Variants in CLEC5A observed in about 807,000 individuals in gnomAD.
The protein encoded by CLEC5A is C-type lectin domain family 5 member A.
CLEC5A carries 15 observed loss-of-function variants against 24.4 expected under a neutral mutation model. The observed-to-expected ratio is 0.62, with a 90% CI of 0.41 to 0.95. The LOEUF is 0.95. Among genes scored for constraint, CLEC5A ranks in the 40% least tolerant of loss-of-function variants. The pLI, the probability that CLEC5A is intolerant of heterozygous loss-of-function variation, is 0.00. For synonymous variants in CLEC5A, 71 were observed against 72.6 expected, an observed-to-expected ratio of 0.98 and a Z score of 0.11; for missense variants, 211 against 224.0, an observed-to-expected ratio of 0.94 and a Z score of 0.37.
chr7:141,940,622 C>A (rs1208611173), intron 4 of CLEC5A, among the ~76,000 whole-genome samples: 1 of 150,584 alleles, frequency 6.6e-6, no homozygotes, highest in Admixed American at 6.6e-5. Flanking sequence ...CAATACAAAA[C>A]ATCAATGCAA....
chr7:141,944,547 A>G (rs1261815897), intron 3 of CLEC5A, among the ~76,000 whole-genome samples: 3 of 152,188 alleles, frequency 2.0e-5, no homozygotes, highest in African/African-American at 7.2e-5. Context: ...GAGATTTTCT[A>G]TAAGCAGGGA....
Position 141,931,693 on chromosome 7 carries a change from C to T in CLEC5A, c.452+27G>A, listed in dbSNP as rs974191404. 3 of 1,265,408 alleles carry T rather than the reference C, an allele frequency of 2.4e-6. No individual in the cohort carries two copies. In the African/African-American group the frequency reaches 4.4e-5, roughly 19 times the overall value. The allele number at this position is 1,265,408 out of a possible 1,614,324, so 78.4% of individuals were successfully genotyped here. On this transcript the variant is annotated intron_variant, in intron 6 of 6. Transcript: ENST00000546910. ...GGTCTTTTGAAGCAAACCAAGATCC[C>T]CAGGAAACTGTGGCATGTTCACGTA...
At chr7:141,945,273 A>T in intron 3 of CLEC5A, 68 bp downstream of exon 3, 1 of 1,080,116 alleles carries the variant, frequency 9.3e-7, no homozygotes, top group Non-Finnish European at 1.4e-6. Context: ...GCTGTGTGGA[A>T]GGTCTCTAGG....
intron 4 of CLEC5A, among the ~76,000 whole-genome samples, chr7:141,941,378 C>T (rs1459657339): frequency 2.0e-5 from 3 of 152,172 alleles, no homozygotes; most frequent in South Asian, 2.1e-4. Context: ...AAGTCAACAT[C>T]CCTTCATGAT....
At chr7:141,944,908 T>A (rs1472480531) in intron 3 of CLEC5A, among the ~76,000 whole-genome samples, 1 of 152,166 alleles carries the variant, frequency 6.6e-6, no homozygotes, top group Non-Finnish European at 1.5e-5. Context: ...GGGTTGCCTC[T>A]GTTGATACTA....
intron 4 of CLEC5A, among the ~76,000 whole-genome samples, chr7:141,937,331 G>T (rs868937454): frequency 6.6e-6 from 1 of 151,956 alleles, no homozygotes; most frequent in Non-Finnish European, 1.5e-5. Context: ...GGCAGCATTC[G>T]TGACAAGCTG....
At chr7:141,942,830 T>C (rs1321896316) in intron 4 of CLEC5A, among the ~76,000 whole-genome samples, 1 of 152,080 alleles carries the variant, frequency 6.6e-6, no homozygotes, top group Non-Finnish European at 1.5e-5. Context: ...AAAAAGGTGC[T>C]CAACACCATT....
chr7:141,934,978 C>T (rs903327085), intron 5 of CLEC5A, among the ~76,000 whole-genome samples: 1 of 152,104 alleles, frequency 6.6e-6, no homozygotes, highest in Admixed American at 6.5e-5. Context: ...TCTTTTCATT[C>T]CCCTGTCTTG....
intron 3 of CLEC5A, among the ~76,000 whole-genome samples, chr7:141,944,592 C>A (rs782655753): frequency 6.6e-6 from 1 of 152,090 alleles, no homozygotes; most frequent in Non-Finnish European, 1.5e-5. Flanking sequence ...CATATAGGGG[C>A]CTCATTTCCC....
chr7:141,934,530 G>A (rs1223073121), intron 5 of CLEC5A, among the ~76,000 whole-genome samples: 1 of 151,508 alleles, frequency 6.6e-6, no homozygotes, highest in East Asian at 1.9e-4. Flanking sequence ...ATACTTGTTG[G>A]GAGGAGAAGG....
intron 5 of CLEC5A, among the ~76,000 whole-genome samples, chr7:141,934,647 A>G (rs1444563180): frequency 4.4e-5 from 4 of 91,774 alleles, no homozygotes; most frequent in Admixed American, 3.5e-4. Flanking sequence ...TTTTTTTGAG[A>G]CAGAGCCTTG....
In CLEC5A at chr7:141,933,575, CATATATATATAT is replaced by C. The variant is rs3043785; in HGVS notation, c.346-1761_346-1750del. Among the ~76,000 whole-genome samples, 468 of 115,202 alleles carry C rather than the reference CATATATATATAT, an allele frequency of 4.1e-3. 3 individuals carry two copies. Among genetic ancestry groups the C allele is most frequent in the South Asian group, 0.031 (108 of 3,518 alleles). 75.6% of individuals were successfully genotyped at this position (115,202 alleles called of 152,430 possible). A position where few individuals can be genotyped will look rare whatever the true frequency, so the allele number is the denominator to read the frequency against. On this transcript the variant is annotated intron_variant, in intron 5 of 6. Transcript: ENST00000546910. ...TGACTCAGCGAGTTTAGGGAGCAGG[CATATATATATAT>C]ATATATATATATATATATATATATA...
chr7:141,943,976 A>G lies in CLEC5A; in HGVS notation c.140-12T>C. 1.0e-5 allele frequency: 16 copies of G among 1,555,084 alleles called. No individual in the cohort carries two copies. Among genetic ancestry groups the G allele is most frequent in the Non-Finnish European group, 1.4e-5 (16 of 1,126,494 alleles). On this transcript the variant is annotated splice_polypyrimidine_tract_variant and intron_variant, in intron 3 of 6. Transcript: ENST00000546910. The stretch of plus-strand genomic sequence containing the variant: ...AAAAATCTGTGAGACTAAAGTGAAA[A>G]GTAAACCTAAAGGTTATGGTATGAT...
chr7:141,929,072 ACTATGTG>A lies in CLEC5A; in HGVS notation c.*1025_*1031del, dbSNP rs1802377065. 1 of 151,948 alleles carries A rather than the reference ACTATGTG, an allele frequency of 6.6e-6. No individual in the cohort carries two copies. 9.4% of individuals were successfully genotyped at this position (151,948 alleles called of 1,614,324 possible). On this transcript the variant is annotated 3_prime_UTR_variant, in exon 7 of 7. Coordinates refer to ENST00000546910, the MANE Select transcript of CLEC5A (RefSeq NM_013252.3). ...CATTTGACCCTGATGTTCCCTTTTT[ACTATGTG>A]CTTATTCCGTGCCCCCAGCCAATGT... is the stretch of plus-strand genomic sequence containing the variant.
At chr7:141,941,624 G>A (rs999322423) in intron 4 of CLEC5A, among the ~76,000 whole-genome samples, 2 of 152,070 alleles carry the variant, frequency 1.3e-5, no homozygotes, top group African/African-American at 2.4e-5. Context: ...AAATTGGAAA[G>A]GATGAAGTCA....
intron 6 of CLEC5A, 200 bp downstream of exon 6, chr7:141,931,520 C>T: frequency 3.7e-6 from 2 of 547,250 alleles, no homozygotes; most frequent in South Asian, 5.1e-5. Context: ...TCTTCTTTCT[C>T]CTTATGAAAG....
intron 5 of CLEC5A, among the ~76,000 whole-genome samples, chr7:141,935,429 A>T (rs1802588597): frequency 6.6e-6 from 1 of 152,160 alleles, no homozygotes; most frequent in Non-Finnish European, 1.5e-5. Context: ...TACTATGCAG[A>T]CTGGGATGGT....
chr7:141,930,387 C>A (rs1210536811), intron 6 of CLEC5A, among the ~76,000 whole-genome samples, 169 bp from the exon 7 acceptor site: 2 of 152,172 alleles, frequency 1.3e-5, no homozygotes, highest in Non-Finnish European at 2.9e-5. Flanking sequence ...ATCTGCGTAG[C>A]CTCCTTTTTA....
rs1554442040 is a variant in CLEC5A, at chr7:141,945,386, TA to T, written c.93del (p.Phe31LeufsTer85). The T allele has an allele frequency of 6.2e-7, 1 of 1,612,854 alleles. No homozygotes were observed. Among genetic ancestry groups the T allele is most frequent in the Non-Finnish European group, 8.5e-7 (1 of 1,179,008 alleles). On this transcript the variant is annotated frameshift_variant, in exon 3 of 7. Transcript: ENST00000546910. LOFTEE classifies it high-confidence loss of function. ...GTGGTGAAACCATCGTTACTTTTGTTAAAAATCTGTGGGACTGAAAAGAAAA... is the reference window on the plus strand; with the variant it reads ...GTGGTGAAACCATCGTTACTTTTGTTAAAATCTGTGGGACTGAAAAGAAAA... Reference protein sequence around the residue: ...TLFLLYFPQIFNKSNDGFTTT... With the variant: ...TLFLLYFPQIXNKSNDGFTTT...
Sources: allele counts gnomAD v4.1 joint callset (sites outside exome capture counted in the v4.1 genomes callset), GRCh38; gene constraint gnomAD v4.1.1; transcripts MANE v1.5; gene names NCBI Gene and HGNC (gene_info 2026-07-23, HGNC 2026-07-21).